Variants in SH3RF3 observed in about 807,000 individuals in gnomAD.
SH3RF3 encodes SH3 domain containing ring finger 3, also known as E3 ubiquitin-protein ligase SH3RF3.
SH3RF3 carries 29 observed loss-of-function variants against 66.3 expected under a neutral mutation model. The observed-to-expected ratio is 0.44, with a 90% CI of 0.33 to 0.60. The LOEUF (loss-of-function observed/expected upper bound fraction) is 0.60. Among genes scored for constraint, SH3RF3 ranks in the 20% least tolerant of loss-of-function variants. The pLI, the probability that SH3RF3 is intolerant of heterozygous loss-of-function variation, is 0.04. For synonymous variants in SH3RF3, 583 were observed against 532.0 expected (o/e 1.10, Z -1.32); for missense variants, 1,194 against 1,190.9 (o/e 1.00, Z -0.04).
chr2:109,499,714 C>T (rs1679340587), intron 9 of SH3RF3, among the ~76,000 whole-genome samples: 1 of 152,194 alleles, frequency 6.6e-6, no homozygotes, highest in Non-Finnish European at 1.5e-5. Context: ...CCTTGTTCCT[C>T]CTCCTCTGTG....
intron 3 of SH3RF3, among the ~76,000 whole-genome samples, chr2:109,380,978 C>T (rs1207710651): frequency 6.6e-6 from 1 of 152,236 alleles, no homozygotes; most frequent in Non-Finnish European, 1.5e-5. Flanking sequence ...TTGCTGATTG[C>T]CGACTGTTTT....
chr2:109,395,531 G>T (rs1389913730), intron 3 of SH3RF3, among the ~76,000 whole-genome samples: 1 of 152,190 alleles, frequency 6.6e-6, no homozygotes, highest in African/African-American at 2.4e-5. Flanking sequence ...CCTGCCGTCT[G>T]TTGAAGCTGC....
Position 109,371,566 on chromosome 2 carries a change from C to T in SH3RF3, c.850-20C>T, listed in dbSNP as rs374906035. 3.3e-4 allele frequency: 535 copies of T among 1,609,930 alleles called. 1 individual carries two copies. Among genetic ancestry groups the T allele is most frequent in the Middle Eastern group, 2.3e-3 (14 of 6,058 alleles). On this transcript the variant is annotated intron_variant, in intron 2 of 9. Coordinates refer to ENST00000309415, the MANE Select transcript of SH3RF3 (RefSeq NM_001099289.3). ...GTGTGTGTCCGTATGCTTGTGTCCA[C>T]GGTGGACCCGGAACTGCAGGACGAG...
At chr2:109,146,657 C>G (rs1426971716) in intron 1 of SH3RF3, among the ~76,000 whole-genome samples, 1 of 152,192 alleles carries the variant, frequency 6.6e-6, no homozygotes, top group African/African-American at 2.4e-5. Context: ...CTCCTTGAGG[C>G]TGCTTTGGTC....
At chr2:109,416,350 T>G (rs1036214120) in intron 4 of SH3RF3, among the ~76,000 whole-genome samples, 3 of 151,836 alleles carry the variant, frequency 2.0e-5, no homozygotes, top group African/African-American at 7.2e-5. Context: ...ATCCCAGCAC[T>G]TTGGGAGGCT....
In SH3RF3 at chr2:109,451,821, G is replaced by T. The variant is rs182080190; in HGVS notation, c.2148+2332G>T. 3.3e-5 allele frequency among the ~76,000 whole-genome samples: 5 copies of T among 152,350 alleles called. No individual in the cohort carries two copies. In the East Asian group the frequency reaches 7.7e-4, roughly 24 times the overall value. ...GGCTCAGCCTCCTCCTCCCCTGATAGCTCCCGAGCCTCTGTGGGCAGCAGA... is the reference window on the plus strand; with the variant it reads ...GGCTCAGCCTCCTCCTCCCCTGATATCTCCCGAGCCTCTGTGGGCAGCAGA... On this transcript the variant is annotated intron_variant, in intron 8 of 9. Transcript: ENST00000309415.
chr2:109,273,384 A>G (rs1680672062), intron 1 of SH3RF3, among the ~76,000 whole-genome samples: 1 of 152,150 alleles, frequency 6.6e-6, no homozygotes, highest in South Asian at 2.1e-4. Context: ...CGCATGGATG[A>G]GGGGGGAGGC....
chr2:109,180,019 A>C (rs964234616), intron 1 of SH3RF3, among the ~76,000 whole-genome samples: 2 of 151,902 alleles, frequency 1.3e-5, no homozygotes, highest in Admixed American at 1.3e-4. Context: ...CATTCAAATT[A>C]CCTCAAGTGG....
In SH3RF3 at chr2:109,380,148, T is replaced by C. The variant is rs117048831; in HGVS notation, c.945+8467T>C. On this transcript the variant is annotated intron_variant, in intron 3 of 9. Transcript: ENST00000309415. The stretch of plus-strand genomic sequence containing the variant: ...GATCCACACATACATGGGTGTTCAT[T>C]GTAGTTTGGGTTTGTTTGTCTCCAG... Among the ~76,000 whole-genome samples, 960 of 152,284 alleles carry C rather than the reference T, an allele frequency of 6.3e-3. 10 individuals are homozygous for C. Among genetic ancestry groups the C allele is most frequent in the East Asian group, 0.047 (244 of 5,180 alleles).
At chr2:109,389,266 G>A (rs6542821) in intron 3 of SH3RF3, among the ~76,000 whole-genome samples, 15 of 152,056 alleles carry the variant, frequency 9.9e-5, no homozygotes, top group Middle Eastern at 3.2e-3. Context: ...GCCAGGCCCC[G>A]CTCCTTGTGC....
intron 1 of SH3RF3, among the ~76,000 whole-genome samples, chr2:109,249,716 C>T (rs538974255): frequency 6.6e-6 from 1 of 151,360 alleles, no homozygotes; most frequent in East Asian, 1.9e-4. Context: ...GGTGCGATCT[C>T]AGCTCACTGC....
At chr2:109,305,895 C>T (rs1030361711) in intron 1 of SH3RF3, among the ~76,000 whole-genome samples, 1 of 152,208 alleles carries the variant, frequency 6.6e-6, no homozygotes, top group Non-Finnish European at 1.5e-5. Flanking sequence ...ACCAGGAGTT[C>T]CCCTGAGCTC....
At chr2:109,441,588 G>A (rs1409052066) in intron 7 of SH3RF3, among the ~76,000 whole-genome samples, 1 of 152,230 alleles carries the variant, frequency 6.6e-6, no homozygotes, top group Non-Finnish European at 1.5e-5. Flanking sequence ...CGTGTAATTG[G>A]AGGTCTCCAA....
chr2:109,371,465 C>G (rs1217798133), intron 2 of SH3RF3, 121 bp from the exon 3 acceptor site: 4 of 737,222 alleles, frequency 5.4e-6, no homozygotes, highest in African/African-American at 5.2e-5. Flanking sequence ...ATAATGCACT[C>G]TTCTTGAACT....
At chr2:109,399,244 G>T (rs930108533) in intron 4 of SH3RF3, among the ~76,000 whole-genome samples, 1 of 152,192 alleles carries the variant, frequency 6.6e-6, no homozygotes, top group African/African-American at 2.4e-5. Flanking sequence ...CCCCGTGTCA[G>T]TCGGCTTCCA....
chr2:109,347,436 A>C (rs1043428854), intron 1 of SH3RF3, among the ~76,000 whole-genome samples: 2 of 151,958 alleles, frequency 1.3e-5, no homozygotes, highest in Non-Finnish European at 2.9e-5. Flanking sequence ...GGCCTCAGAC[A>C]GTGTCCTTTT....
intron 7 of SH3RF3, among the ~76,000 whole-genome samples, chr2:109,447,687 A>G (rs1402864991): frequency 6.6e-6 from 1 of 152,168 alleles, no homozygotes; most frequent in Non-Finnish European, 1.5e-5. Flanking sequence ...CTCTCCCAGC[A>G]TTTGTTTCAT....
At chr2:109,338,764 G>A (rs967305834) in intron 1 of SH3RF3, among the ~76,000 whole-genome samples, 2 of 152,092 alleles carry the variant, frequency 1.3e-5, no homozygotes, top group Non-Finnish European at 1.5e-5. Context: ...CACCATGTTG[G>A]CCAGGCTGGT....
chr2:109,204,844 G>T (rs144048232), intron 1 of SH3RF3, among the ~76,000 whole-genome samples: 4 of 152,254 alleles, frequency 2.6e-5, no homozygotes, highest in African/African-American at 9.6e-5. Context: ...TTTCTGTAGC[G>T]TGGAAGTGGG....
Sources: allele counts gnomAD v4.1 joint callset (sites outside exome capture counted in the v4.1 genomes callset), GRCh38; gene constraint gnomAD v4.1.1; transcripts MANE v1.5; gene names NCBI Gene and HGNC (gene_info 2026-07-23, HGNC 2026-07-21).